The following ERCC6 variants were observed in gnomAD, a reference collection of about 807,000 sequenced individuals.
The protein encoded by ERCC6 is DNA excision repair protein ERCC-6.
Under a neutral mutation model 158.7 loss-of-function variants are expected in ERCC6, and 116 were observed. The ratio of observed to expected loss-of-function variants is 0.73; its 90% CI spans 0.63 to 0.85. The LOEUF is 0.85. Among genes scored for constraint, ERCC6 ranks in the 40% least tolerant of loss-of-function variants. The pLI, the probability that ERCC6 is intolerant of heterozygous loss-of-function variation, is 0.00. For missense variants in ERCC6, 1,698 were observed against 1,799.4 expected (o/e 0.94, Z 1.02); for synonymous variants, 678 against 659.3 (o/e 1.03, Z -0.43).
chr10:49,447,503 T>C, the ERCC6 span, among the ~76,000 whole-genome samples: 3 of 152,054 alleles, frequency 2.0e-5, no homozygotes, highest in Non-Finnish European at 4.4e-5. Context: ...CTGGTTAATA[T>C]GGTGAAACCC....
At position 49,500,574 on chromosome 10, in the gene ERCC6, C is replaced by T; in HGVS notation, c.1649G>A (p.Ser550Asn). The change falls in exon 7 of 21, where the codon AGC (serine) becomes AAC (asparagine). Residue 550 changes from serine (S) to asparagine (N), a missense_variant. Physicochemically the swap from Ser to Asn is conservative, Grantham distance 46. Coordinates refer to ENST00000355832, the MANE Select transcript of ERCC6 (RefSeq NM_000124.4). ...IQIIAFLAGL[S>N]YSKIRTRGSN... ...ACCACGAGTCCTGATCTTGCTGTAG[C>T]TCAGACCTGCCAAGAAGGCAATTAT... 3.7e-6 allele frequency: 6 copies of T among 1,613,990 alleles called. No homozygotes were observed. The highest frequency in any genetic ancestry group is 5.1e-6 in the Non-Finnish European group (6 of 1,179,912).
chr10:49,498,500 G>C (rs1028715996), intron 7 of ERCC6, among the ~76,000 whole-genome samples: 3 of 152,154 alleles, frequency 2.0e-5, no homozygotes, highest in Non-Finnish European at 4.4e-5. Flanking sequence ...ATATGAGCGG[G>C]GGGGACCACA....
rs748181487 is a variant in ERCC6, at chr10:49,524,697, T to C, written c.733A>G (p.Met245Val). 4.0e-5 allele frequency: 65 copies of C among 1,611,468 alleles called. No individual in the cohort carries two copies. In the South Asian group the frequency reaches 6.5e-4, roughly 16 times the overall value. The change falls in exon 5 of 21, where the codon ATG (methionine) becomes GTG (valine). Residue 245 changes from methionine to valine, a missense_variant. Met to Val is a conservative substitution (Grantham distance 21). Coordinates refer to ENST00000355832, the MANE Select transcript of ERCC6 (RefSeq NM_000124.4). ...GGGATCTGGGTACCAAAAGGTGTCA[T>C]CTGGCCAGTGCGGATGAGCTCTTCC... is the stretch of plus-strand genomic sequence containing the variant. ...AWEELIRTGQMTPFGTQIPQK... is the reference protein window; with the variant it reads ...AWEELIRTGQVTPFGTQIPQK...
chr10:49,527,987 T>C (rs1004415327), intron 4 of ERCC6, among the ~76,000 whole-genome samples: 2 of 152,184 alleles, frequency 1.3e-5, no homozygotes, highest in Non-Finnish European at 2.9e-5. Context: ...AGTACCTGAA[T>C]GAAGATGTCT....
chr10:49,516,482 T>A, intron 5 of ERCC6: 1 of 1,614,174 alleles, frequency 6.2e-7, no homozygotes, highest in Non-Finnish European at 8.5e-7. Flanking sequence ...CACTAACCAG[T>A]ACATTATGCA....
At position 49,471,127 on chromosome 10, in the gene ERCC6, A is replaced by G; in HGVS notation, c.2925-7T>C. ...AAACTGCTTGAAGATTTGTCTAAAA[A>G]AATAAAAGATAAGCTGGTATAAAAC... On this transcript the variant is annotated splice_region_variant and splice_polypyrimidine_tract_variant and intron_variant, in intron 16 of 20. Transcript: ENST00000355832. 1 of 1,613,702 alleles carries G rather than the reference A, an allele frequency of 6.2e-7. No homozygotes were observed. The highest frequency in any genetic ancestry group is 8.5e-7 in the Non-Finnish European group (1 of 1,179,874).
chr10:49,535,956 A>G (rs923984589), intron 1 of ERCC6, among the ~76,000 whole-genome samples: 1 of 152,122 alleles, frequency 6.6e-6, no homozygotes, highest in Non-Finnish European at 1.5e-5. Context: ...ATCTCTACTA[A>G]AATACAAAAA....
rs768158334 is a variant in ERCC6, at chr10:49,476,207, T to C, written c.2382+8A>G. 28 of 1,597,256 alleles carry C rather than the reference T, an allele frequency of 1.8e-5. No individual in the cohort carries two copies. In the South Asian group the frequency reaches 2.2e-4, roughly 13 times the overall value. On this transcript the variant is annotated splice_region_variant and intron_variant, in intron 12 of 20. Transcript: ENST00000355832. ...ATTCATTTCTCCAGCTTCTATTTTT[T>C]AGCTGACCTGCATCTCTCCATTGAG...
At chr10:49,471,714 A>G (rs1231274179) in intron 16 of ERCC6, among the ~76,000 whole-genome samples, 4 of 152,076 alleles carry the variant, frequency 2.6e-5, no homozygotes, top group African/African-American at 9.7e-5. Flanking sequence ...CTCGTCCTCC[A>G]CCCTCACACA....
At chr10:49,486,601 CAA>C (rs4253159) in intron 8 of ERCC6, among the ~76,000 whole-genome samples, 3 of 152,046 alleles carry the variant, frequency 2.0e-5, no homozygotes, top group East Asian at 1.9e-4. Flanking sequence ...GTAGAGAATA[CAA>C]AAGTGTTAAC....
At chr10:49,472,784 A>T (rs1850804235) in intron 15 of ERCC6, 125 bp downstream of exon 15, 2 of 1,168,002 alleles carry the variant, frequency 1.7e-6, no homozygotes, top group Admixed American at 2.3e-5. Context: ...GTTGAAGAAC[A>T]GGAGACAATC....
chr10:49,470,983 A>G lies in ERCC6; in HGVS notation c.3062T>C (p.Ile1021Thr). 1.2e-6 allele frequency: 2 copies of G among 1,614,078 alleles called. No individual in the cohort carries two copies. The highest frequency in any genetic ancestry group is 1.7e-6 in the Non-Finnish European group (2 of 1,180,028). Residue 1021 changes from isoleucine (I) to threonine (T), a missense_variant, in exon 17 of 21, where the codon ATT becomes ACT. Coordinates refer to ENST00000355832, the MANE Select transcript of ERCC6 (RefSeq NM_000124.4). Reference protein sequence around the residue: ...DASQSTETSAIFAGTGSDVQT... With the variant: ...DASQSTETSATFAGTGSDVQT... The stretch of plus-strand genomic sequence containing the variant: ...ATGATTTTATGTAATACCTGCAAAA[A>G]TTGCACTTGTTTCAGTGCTCTGGGA...
rs538696439 is a variant in ERCC6, at chr10:49,472,633, A to G, written c.2830-163T>C. The stretch of plus-strand genomic sequence containing the variant: ...GGCCTACTCAGGAAGATGAACAGCC[A>G]GTTGAAAAGACATCTCTACTTGAAA... On this transcript the variant is annotated intron_variant, in intron 15 of 20. Coordinates refer to ENST00000355832, the MANE Select transcript of ERCC6 (RefSeq NM_000124.4). The G allele has an allele frequency of 7.5e-6, 6 of 794,778 alleles. No homozygotes were observed. In the Admixed American group the frequency reaches 1.3e-4, roughly 17 times the overall value. 49.2% of individuals were successfully genotyped at this position (794,778 alleles called of 1,614,324 possible).
downstream of ERCC6, among the ~76,000 whole-genome samples, chr10:49,450,162 C>A (rs924428511): frequency 6.6e-6 from 1 of 152,220 alleles, no homozygotes; most frequent in Admixed American, 6.5e-5. Flanking sequence ...GGCCGTCATA[C>A]CCAGCCAACT....
chr10:49,485,341 A>G (rs1851058753), intron 8 of ERCC6, among the ~76,000 whole-genome samples: 1 of 152,248 alleles, frequency 6.6e-6, no homozygotes. Flanking sequence ...AGTACTATTG[A>G]CACTAGGCTA....
intron 5 of ERCC6, among the ~76,000 whole-genome samples, chr10:49,507,047 C>T (rs1851455826): frequency 6.6e-6 from 1 of 151,992 alleles, no homozygotes; most frequent in Admixed American, 6.6e-5. Context: ...AGAGAATGTC[C>T]GAGGGAAGGC....
intron 13 of ERCC6, 143 bp from the exon 14 acceptor site, chr10:49,473,730 G>C: frequency 1.4e-6 from 1 of 721,644 alleles, no homozygotes; most frequent in Non-Finnish European, 2.5e-6. Context: ...AAACAGAACT[G>C]TTAAAAGAGT....
chr10:49,522,516 A>T (rs1162889497), intron 5 of ERCC6, among the ~76,000 whole-genome samples: 1 of 152,216 alleles, frequency 6.6e-6, no homozygotes, highest in Non-Finnish European at 1.5e-5. Context: ...TGGCTCTGGA[A>T]ATAATAAATT....
chr10:49,516,182 C>T, intron 5 of ERCC6: 1 of 1,614,172 alleles, frequency 6.2e-7, no homozygotes, highest in Non-Finnish European at 8.5e-7. Flanking sequence ...CCTGATACGG[C>T]TGAAACCAGC....
Sources: allele counts gnomAD v4.1 joint callset (sites outside exome capture counted in the v4.1 genomes callset), GRCh38; gene constraint gnomAD v4.1.1; transcripts MANE v1.5; gene names NCBI Gene and HGNC (gene_info 2026-07-23, HGNC 2026-07-21).